The following CTBP2 variants were observed in gnomAD, a reference collection of about 807,000 sequenced individuals.
CTBP2 encodes the protein C-terminal binding protein 2.
In CTBP2, 30 loss-of-function variants were observed where a neutral mutation model predicts 80.3. The observed-to-expected ratio is 0.37, with a 90% CI of 0.28 to 0.51. The LOEUF is 0.51. CTBP2 is among the 20% of genes least tolerant of loss of function. CTBP2 has a pLI of 0.93. For synonymous variants in CTBP2, 594 were observed against 587.4 expected (o/e 1.01, Z -0.16); for missense variants, 1,212 against 1,375.3 (o/e 0.88, Z 1.88).
At chr10:125,021,629 G>A (rs1222831085) in intron 1 of CTBP2, among the ~76,000 whole-genome samples, 1 of 152,212 alleles carries the variant, frequency 6.6e-6, no homozygotes, top group Non-Finnish European at 1.5e-5. Context: ...CATGAAGGCG[G>A]AGGGTGATCT....
At chr10:125,061,281 C>T (rs188558204) in intron 2 of CTBP2, among the ~76,000 whole-genome samples, 21 of 152,236 alleles carry the variant, frequency 1.4e-4, no homozygotes, top group Non-Finnish European at 2.4e-4. Context: ...TCCAGTGGAA[C>T]GGCCCCCTCT....
chr10:125,114,070 G>A (rs1420170410), intron 1 of CTBP2, among the ~76,000 whole-genome samples: 2 of 152,168 alleles, frequency 1.3e-5, no homozygotes, highest in South Asian at 4.1e-4. Flanking sequence ...CTAGTGCCCC[G>A]AGGATTCACC....
rs543455959 is a variant in CTBP2 at position 125,022,327 on chromosome 10, T to C, written c.1678+3755A>G. The stretch of plus-strand genomic sequence containing the variant: ...ATAGTCACAGTTAACTGTCCTTTTA[T>C]GAATTGCCTTTCCTGGCCCCCAGAC... On this transcript the variant is annotated intron_variant, in intron 1 of 8. Coordinates refer to ENST00000309035, the MANE Select transcript of CTBP2 (RefSeq NM_022802.3). 2.1e-4 allele frequency among the ~76,000 whole-genome samples: 32 copies of C among 152,366 alleles called. 1 individual carries two copies. In the South Asian group the frequency reaches 6.2e-3, roughly 30 times the overall value.
intron 2 of CTBP2, among the ~76,000 whole-genome samples, chr10:125,092,122 G>A (rs1457264721): frequency 6.6e-6 from 1 of 151,808 alleles, no homozygotes; most frequent in Non-Finnish European, 1.5e-5. Context: ...CTTGGCATTG[G>A]GTGGGGAAGG....
At chr10:125,153,360 C>A (rs937009270) in intron 1 of CTBP2, among the ~76,000 whole-genome samples, 21 of 152,334 alleles carry the variant, frequency 1.4e-4, no homozygotes, top group Admixed American at 1.1e-3. Flanking sequence ...CAAGCACTGC[C>A]CCCACCCGTT....
intron 3 of CTBP2, among the ~76,000 whole-genome samples, chr10:125,002,481 T>C (rs1050681709): frequency 6.6e-6 from 1 of 152,202 alleles, no homozygotes; most frequent in African/African-American, 2.4e-5. Flanking sequence ...GGTGCTGACC[T>C]GGACCACATG....
rs1321180177 is a variant in CTBP2 at position 124,988,375 on chromosome 10, A to C, written c.*1143T>G. ...TTTATTGAAAACTGCACTGAACGCT[A>C]AATGTCCACCTTTACAATAAACAAA... is the stretch of plus-strand genomic sequence containing the variant. On this transcript the variant is annotated 3_prime_UTR_variant, in exon 9 of 9. Coordinates refer to ENST00000309035, the MANE Select transcript of CTBP2 (RefSeq NM_022802.3). 9.8e-5 allele frequency: 15 copies of C among 152,672 alleles called. No homozygotes were observed. Among genetic ancestry groups the C allele is most frequent in the Admixed American group, 8.5e-4 (13 of 15,282 alleles). 9.5% of individuals were successfully genotyped at this position (152,672 alleles called of 1,614,324 possible). A position where few individuals can be genotyped will look rare whatever the true frequency, so the allele number is the denominator to read the frequency against.
At chr10:125,034,598 G>C (rs1293353054) in intron 3 of CTBP2, among the ~76,000 whole-genome samples, 1 of 152,006 alleles carries the variant, frequency 6.6e-6, no homozygotes, top group African/African-American at 2.4e-5. Flanking sequence ...ACATTTTGGG[G>C]CTATTTAAAG....
chr10:125,054,856 C>T (rs1411770723), intron 2 of CTBP2, among the ~76,000 whole-genome samples: 1 of 152,228 alleles, frequency 6.6e-6, no homozygotes, highest in Non-Finnish European at 1.5e-5. Flanking sequence ...GATATATCCA[C>T]TTCTGTAAAC....
chr10:125,073,818 G>C (rs545330883), intron 2 of CTBP2, among the ~76,000 whole-genome samples: 1 of 152,170 alleles, frequency 6.6e-6, no homozygotes, highest in African/African-American at 2.4e-5. Flanking sequence ...GAAAGGGTCC[G>C]GACATGGCGA....
chr10:125,083,714 G>A (rs953666012), intron 2 of CTBP2, among the ~76,000 whole-genome samples: 4 of 152,092 alleles, frequency 2.6e-5, no homozygotes, highest in East Asian at 1.9e-4. Flanking sequence ...GACTCCAGCC[G>A]TCCTGCCACG....
At chr10:124,992,032 AC>A (rs1387366159) in intron 8 of CTBP2, among the ~76,000 whole-genome samples, 1 of 151,966 alleles carries the variant, frequency 6.6e-6, no homozygotes, top group Non-Finnish European at 1.5e-5. Context: ...GACCCAAACT[AC>A]AGGTATCATT....
chr10:125,146,623 A>G (rs552759861), intron 1 of CTBP2, among the ~76,000 whole-genome samples: 2 of 152,176 alleles, frequency 1.3e-5, no homozygotes, highest in South Asian at 4.2e-4. Flanking sequence ...GAATCCAAAG[A>G]AACTGCTGGT....
At chr10:124,992,172 ACAT>A (rs1474011023) in intron 8 of CTBP2, among the ~76,000 whole-genome samples, 1 of 150,010 alleles carries the variant, frequency 6.7e-6, no homozygotes, top group Non-Finnish European at 1.5e-5. Context: ...TTGCACTTGA[ACAT>A]CTTATCTACG....
Position 125,026,097 on chromosome 10 carries a change from G to C in CTBP2, c.1663C>G (p.Leu555Val). 1 of 1,570,462 alleles carries C rather than the reference G, an allele frequency of 6.4e-7. No homozygotes were observed. The highest frequency in any genetic ancestry group is 8.7e-7 in the Non-Finnish European group (1 of 1,153,780). Residue 555 changes from leucine (L) to valine (V), a missense_variant, in exon 1 of 9, where the codon CTT becomes GTT. By Grantham distance (32) the Leu-to-Val change is conservative. Transcript: ENST00000309035. ...GATGTATTACTTGGTTCTGGTGCAA[G>C]CATGGTGGACACGATGATGGGTGCC...
At chr10:125,082,777 C>T (rs534393697) in intron 2 of CTBP2, among the ~76,000 whole-genome samples, 22 of 151,956 alleles carry the variant, frequency 1.4e-4, no homozygotes, top group Non-Finnish European at 2.4e-4. Flanking sequence ...TTGGTAGAGA[C>T]GGGGTTTCAC....
At chr10:125,057,877 C>T (rs7083273) in intron 2 of CTBP2, among the ~76,000 whole-genome samples, 25,609 of 152,042 alleles carry the variant, frequency 0.17, 2,979 homozygotes, top group African/African-American at 0.32. Context: ...TACACTCTGA[C>T]GCAGGTCACA....
intron 1 of CTBP2, among the ~76,000 whole-genome samples, chr10:125,140,351 C>T (rs1045859532): frequency 2.0e-5 from 3 of 151,428 alleles, no homozygotes; most frequent in Admixed American, 6.6e-5. Flanking sequence ...TGGCCAATCA[C>T]GATGACTGCC....
chr10:125,015,841 G>A (rs1327366427), intron 1 of CTBP2, among the ~76,000 whole-genome samples: 2 of 152,228 alleles, frequency 1.3e-5, no homozygotes, highest in Non-Finnish European at 2.9e-5. Context: ...GCCAGCTGCT[G>A]CACACTCACT....
Sources: allele counts gnomAD v4.1 joint callset (sites outside exome capture counted in the v4.1 genomes callset), GRCh38; gene constraint gnomAD v4.1.1; transcripts MANE v1.5; gene names NCBI Gene and HGNC (gene_info 2026-07-23, HGNC 2026-07-21).